Variants in PSMD6 observed in about 807,000 individuals in gnomAD.
The protein encoded by PSMD6 is 26S proteasome non-ATPase regulatory subunit 6.
Under a neutral mutation model 44.9 loss-of-function variants are expected in PSMD6, and 7 were observed. The observed-to-expected ratio is 0.16, with a 90% CI of 0.09 to 0.29. The LOEUF is 0.29. Among genes scored for constraint, PSMD6 ranks in the 10% least tolerant of loss-of-function variants. The pLI is 1.00. For synonymous variants in PSMD6, 184 were observed against 172.7 expected (o/e 1.07, Z -0.51); for missense variants, 420 against 482.6 (o/e 0.87, Z 1.21).
chr3:64,017,833 G>T (rs2076071470), intron 5 of PSMD6: 1 of 152,142 alleles, frequency 6.6e-6, no homozygotes, highest in South Asian at 2.1e-4. Flanking sequence ...GAAATTTGCA[G>T]CATAAACAAA....
At chr3:64,011,387 CCT>C (rs1162449614) in intron 6 of PSMD6, 1 of 148,682 alleles carries the variant, frequency 6.7e-6, no homozygotes, top group Non-Finnish European at 1.5e-5. Context: ...CGACCCTTTC[CCT>C]CTCTAACATA....
chr3:64,014,296 T>C (rs1361469792), intron 5 of PSMD6: 1 of 152,196 alleles, frequency 6.6e-6, no homozygotes, highest in Non-Finnish European at 1.5e-5. Flanking sequence ...CTACTCTAGA[T>C]AGTTATATGG....
intron 5 of PSMD6, chr3:64,016,864 T>C (rs2076052052): frequency 6.6e-6 from 1 of 152,220 alleles, no homozygotes; most frequent in Non-Finnish European, 1.5e-5. Flanking sequence ...ATCTTCATTA[T>C]AGCATTATTG....
rs1384613982 is a variant in PSMD6, at chr3:64,013,613, A to G, written c.827-6T>C. On this transcript the variant is annotated splice_polypyrimidine_tract_variant and splice_region_variant and intron_variant, in intron 5 of 7. Transcript: ENST00000295901. The stretch of plus-strand genomic sequence containing the variant: ...CATTTCCTGTTCCACAACCGCTGCA[A>G]TGAATAAAATGACAAATTATAATAG... The G allele has an allele frequency of 3.1e-6, 5 of 1,595,694 alleles. No individual in the cohort carries two copies. The highest frequency in any genetic ancestry group is 1.4e-5 in the African/African-American group (1 of 73,732).
In PSMD6 at chr3:64,010,554, A is replaced by C. The variant is rs571187628; in HGVS notation, c.*114T>G. 172 of 712,410 alleles carry C rather than the reference A, an allele frequency of 2.4e-4. 1 individual carries two copies. In the African/African-American group the frequency reaches 2.7e-3, roughly 11 times the overall value. The allele number at this position is 712,410 out of a possible 1,614,324, so 44.1% of individuals were successfully genotyped here. A position where few individuals can be genotyped will look rare whatever the true frequency, so the allele number is the denominator to read the frequency against. Reference sequence around the variant, plus strand: ...GTGTTTAAGAAAAAAATAAATGGAAAGAAACAACAATGCAGTATTTATTTT... The same window carrying C: ...GTGTTTAAGAAAAAAATAAATGGAACGAAACAACAATGCAGTATTTATTTT... On this transcript the variant is annotated 3_prime_UTR_variant, in exon 8 of 8. Coordinates refer to ENST00000295901, the MANE Select transcript of PSMD6 (RefSeq NM_014814.3).
At chr3:64,016,201 A>G (rs1301952961) in intron 5 of PSMD6, 1 of 152,092 alleles carries the variant, frequency 6.6e-6, no homozygotes, top group Non-Finnish European at 1.5e-5. Context: ...AAATAAATAA[A>G]TAAATAAATA....
Position 64,022,372 on chromosome 3 carries a change from T to C in PSMD6, c.297A>G (p.Glu99=). The C allele has an allele frequency of 1.9e-6, 3 of 1,614,248 alleles. No individual in the cohort carries two copies. The highest frequency in any genetic ancestry group is 2.5e-6 in the Non-Finnish European group (3 of 1,180,050). The change falls in exon 2 of 8, where the codon GAA becomes GAG. Residue 99 remains glutamate, a synonymous_variant. Transcript: ENST00000295901. Reference sequence around the variant, plus strand: ...CCTTTGCCATCATTGCATCGCGAATTTCGCTCTCTCCTAGATTCTTCTCTG... The same window carrying C: ...CCTTTGCCATCATTGCATCGCGAATCTCGCTCTCTCCTAGATTCTTCTCTG... ...EDAEKNLGES[E]IRDAMMAKAE... is the part of the protein sequence containing the mutation.
chr3:64,023,794 A>G, upstream of PSMD6: 1 of 1,475,322 alleles, frequency 6.8e-7, no homozygotes, highest in Non-Finnish European at 9.2e-7. Flanking sequence ...AGCATTAATA[A>G]AAACAATCAC....
At chr3:64,023,231 G>C (rs192496334) in intron 1 of PSMD6, 44 bp downstream of exon 1, 43 of 1,499,454 alleles carry the variant, frequency 2.9e-5, no homozygotes, top group Middle Eastern at 4.2e-4. Flanking sequence ...ACGCGGGGAC[G>C]GCCCAGGCCT....
chr3:64,023,006 G>C, intron 1 of PSMD6: 1 of 1,419,232 alleles, frequency 7.0e-7, no homozygotes, highest in East Asian at 2.5e-5. Flanking sequence ...CCTAGCACAG[G>C]GGTAAATATT....
At position 64,022,320 on chromosome 3, in the gene PSMD6, T is replaced by C; in HGVS notation, c.349A>G (p.Lys117Glu). ...GAGGGAAAACCATCTCTACTCACTT[T>C]GTCACCTATCCGGCAGAGGTACTCG... Reference protein sequence around the residue: ...KAEYLCRIGDKEGALTAFRKT... With the variant: ...KAEYLCRIGDEEGALTAFRKT... Residue 117 changes from lysine to glutamate, a missense_variant and splice_region_variant, in exon 2 of 8, where the codon AAA (lysine) becomes GAA (glutamate). Physicochemically the swap from Lys to Glu is moderately conservative, Grantham distance 56. Coordinates refer to ENST00000295901, the MANE Select transcript of PSMD6 (RefSeq NM_014814.3). 6.2e-7 allele frequency: 1 copy of C among 1,614,192 alleles called. No homozygotes were observed.
Position 64,023,287 on chromosome 3 carries a change from C to T in PSMD6, c.133G>A (p.Val45Ile), listed in dbSNP as rs367719948. The T allele has an allele frequency of 5.4e-5, 85 of 1,571,692 alleles. 1 individual carries two copies. The highest frequency in any genetic ancestry group is 4.4e-5 in the Non-Finnish European group (51 of 1,158,846). ...AAVRDELMAA[V>I]RDNNMAPYYE... ...GTGCGGGCCTCACTGTTATCGCGGA[C>T]GGCCGCCATCAGCTCGTCGCGCACG... The change falls in exon 1 of 8, where the codon GTC becomes ATC. Residue 45 changes from valine to isoleucine, a missense_variant. Physicochemically the swap from Val to Ile is conservative, Grantham distance 29. Around this residue, in one of 4 missense-constraint regions of PSMD6, gnomAD observed 136 missense variants for 124.2 expected, o/e 1.09. Transcript: ENST00000295901.
At position 64,016,186 on chromosome 3, in the gene PSMD6, C is replaced by CAAATAAAT. The variant is rs537474014; in HGVS notation, c.826+2405_826+2412dup. 17 of 150,364 alleles carry CAAATAAAT rather than the reference C, an allele frequency of 1.1e-4. No homozygotes were observed. In the South Asian group the frequency reaches 2.1e-3, roughly 19 times the overall value. The allele number at this position is 150,364 out of a possible 1,614,324, so 9.3% of individuals were successfully genotyped here. A position where few individuals can be genotyped will look rare whatever the true frequency, so the allele number is the denominator to read the frequency against. On this transcript the variant is annotated intron_variant, in intron 5 of 7. Transcript: ENST00000295901. ...TGGGCGACAGAGTGAGACTCTGTCT[C>CAAATAAAT]AAATAAATAAATAAATAAATAAATA...
chr3:64,022,176 G>A, intron 2 of PSMD6, 142 bp downstream of exon 2: 2 of 898,906 alleles, frequency 2.2e-6, no homozygotes, highest in South Asian at 3.5e-5. Flanking sequence ...TCTTTACATT[G>A]ATTCACCAGT....
intron 2 of PSMD6, chr3:64,019,755 T>TTC (rs200935115): frequency 1.2e-4 from 29 of 237,768 alleles, no homozygotes; most frequent in Admixed American, 1.1e-3. Flanking sequence ...ATTCAATGTT[T>TTC]TCTCTCATAA....
At chr3:64,022,234 T>G in intron 2 of PSMD6, 84 bp downstream of exon 2, 1 of 1,455,870 alleles carries the variant, frequency 6.9e-7, no homozygotes, top group Non-Finnish European at 9.4e-7. Flanking sequence ...CGAAGTTAAT[T>G]TTTTTAATGA....
chr3:64,011,600 G>A (rs544506725), intron 6 of PSMD6: 1 of 151,798 alleles, frequency 6.6e-6, no homozygotes, highest in African/African-American at 2.4e-5. Context: ...AACAACTAGA[G>A]CTCAGTGGTA....
chr3:64,022,489 G>A lies in PSMD6; in HGVS notation c.180C>T (p.Ser60=). The A allele has an allele frequency of 6.2e-7, 1 of 1,614,012 alleles. No individual in the cohort carries two copies. The highest frequency in any genetic ancestry group is 1.3e-5 in the African/African-American group (1 of 75,034). ...MAPYYEALCK[S]LDWQIDVDLL... Reference sequence around the variant, plus strand: ...GGTCCACGTCTATCTGCCAGTCGAGGGATTTGCACAAGGCTTCATAGTAAG... The same window carrying A: ...GGTCCACGTCTATCTGCCAGTCGAGAGATTTGCACAAGGCTTCATAGTAAG... Residue 60 remains serine (S), a synonymous_variant, in exon 2 of 8, where the codon TCC becomes TCT. Transcript: ENST00000295901.
intron 2 of PSMD6, chr3:64,020,012 T>G (rs1218055126): frequency 6.6e-6 from 1 of 152,286 alleles, no homozygotes; most frequent in Non-Finnish European, 1.5e-5. Context: ...AATACAGCAA[T>G]GGATACACCT....
Sources: allele counts gnomAD v4.1 joint callset, GRCh38; gene constraint gnomAD v4.1.1; regional missense constraint gnomAD v4.1.1; transcripts MANE v1.5; gene names NCBI Gene and HGNC (gene_info 2026-07-23, HGNC 2026-07-21).